Variants in NCALD observed in about 807,000 individuals in gnomAD.
The protein encoded by NCALD is neurocalcin delta.
Under a neutral mutation model 18.6 loss-of-function variants are expected in NCALD, and 10 were observed. The observed-to-expected ratio is 0.54, with a 90% CI of 0.33 to 0.91. The LOEUF (loss-of-function observed/expected upper bound fraction) is 0.91, where lower values mean the gene tolerates loss of function less well. Ranked by LOEUF, NCALD falls within the 40% of genes least tolerant of loss-of-function variation. NCALD has a pLI of 0.03. For missense variants in NCALD, 184 were observed against 247.6 expected (o/e 0.74, Z 1.72); for synonymous variants, 88 against 87.4 (o/e 1.01, Z -0.04).
rs1342050913 is a variant in NCALD at position 101,775,102 on chromosome 8, G to C, written c.-20+15760C>G. ...GGACTGAGAACTTCCTACTGGCATC[G>C]GATCTCTTTGTCACCAATGGCATAA... On this transcript the variant is annotated intron_variant, in intron 1 of 3. Coordinates refer to ENST00000220931, the MANE Select transcript of NCALD (RefSeq NM_032041.3). Among the ~76,000 whole-genome samples, 3 of 152,122 alleles carry C rather than the reference G, an allele frequency of 2.0e-5. No homozygotes were observed. The East Asian group carries it at 5.8e-4, about 29-fold the overall frequency.
intron 3 of NCALD, among the ~76,000 whole-genome samples, chr8:101,897,119 A>C (rs1385177642): frequency 1.5e-5 from 1 of 64,622 alleles, no homozygotes; most frequent in African/African-American, 8.4e-5. Flanking sequence ...ACCAACCCAA[A>C]TGTCCAACAA....
chr8:102,124,133 G>C (rs1826034723), intron 1 of NCALD: 2 of 152,234 alleles, frequency 1.3e-5, no homozygotes, highest in South Asian at 2.1e-4. Flanking sequence ...GGCGCACCGA[G>C]CGCACGGGTC....
intron 1 of NCALD, among the ~76,000 whole-genome samples, chr8:101,749,643 G>A (rs1338031923): frequency 6.6e-6 from 1 of 152,104 alleles, no homozygotes; most frequent in East Asian, 1.9e-4. Context: ...CCTTAGCTTG[G>A]TGTCTATGCA....
chr8:101,865,199 T>C (rs1815719579), intron 4 of NCALD, among the ~76,000 whole-genome samples: 1 of 152,208 alleles, frequency 6.6e-6, no homozygotes, highest in Non-Finnish European at 1.5e-5. Context: ...AATTTCATTG[T>C]AGCCAAAGAC....
chr8:101,897,902 G>T (rs140033744), intron 3 of NCALD, among the ~76,000 whole-genome samples: 37 of 152,320 alleles, frequency 2.4e-4, no homozygotes, highest in Admixed American at 2.4e-3. Flanking sequence ...TTGTAGGAGG[G>T]ACCAGGTGGA....
chr8:101,963,228 G>A (rs7820497), intron 2 of NCALD, among the ~76,000 whole-genome samples: 93,972 of 152,012 alleles, frequency 0.62, 30,309 homozygotes, highest in African/African-American at 0.81. Context: ...AAATGAAATG[G>A]CACCAAGTTA....
chr8:101,744,833 G>A lies in NCALD; in HGVS notation c.-19-25185C>T, dbSNP rs144713256. On this transcript the variant is annotated intron_variant, in intron 1 of 3. Transcript: ENST00000220931. ...AGAATGCTGAAGGCTCCAGGAAGCCGGGTACTCCTGCTGCCTGGAAAGCCA... is the reference window on the plus strand; with the variant it reads ...AGAATGCTGAAGGCTCCAGGAAGCCAGGTACTCCTGCTGCCTGGAAAGCCA... Among the ~76,000 whole-genome samples, 207 of 152,072 alleles carry A rather than the reference G, an allele frequency of 1.4e-3. 1 individual carries two copies. The highest frequency in any genetic ancestry group is 3.4e-3 in the Middle Eastern group (1 of 294).
intron 1 of NCALD, among the ~76,000 whole-genome samples, chr8:102,030,325 C>T (rs1275383810): frequency 5.9e-5 from 9 of 152,108 alleles, no homozygotes; most frequent in Admixed American, 5.9e-4. Flanking sequence ...AAAGAACATC[C>T]AAGAATAACA....
chr8:101,846,260 T>C (rs1814864772), intron 4 of NCALD, among the ~76,000 whole-genome samples: 1 of 152,230 alleles, frequency 6.6e-6, no homozygotes, highest in African/African-American at 2.4e-5. Context: ...CTTTTTTCCG[T>C]AATGGGTATG....
intron 4 of NCALD, among the ~76,000 whole-genome samples, chr8:101,825,053 C>A (rs1021836777): frequency 3.3e-5 from 5 of 152,194 alleles, no homozygotes; most frequent in African/African-American, 1.2e-4. Context: ...TAGATACCCC[C>A]ACAACTGACC....
intron 4 of NCALD, among the ~76,000 whole-genome samples, chr8:101,843,582 G>GTTTTTGTTTT (rs1554644300): frequency 8.0e-6 from 1 of 125,140 alleles, no homozygotes; most frequent in Non-Finnish European, 1.6e-5. Context: ...TTTAAAAATT[G>GTTTTTGTTTT]TTTTTTTTTT....
At chr8:101,726,804 G>A (rs976734650) in intron 1 of NCALD, among the ~76,000 whole-genome samples, 2 of 152,092 alleles carry the variant, frequency 1.3e-5, no homozygotes, top group African/African-American at 4.8e-5. Context: ...AGTGCACCAG[G>A]GACGTGAATG....
chr8:101,877,253 A>T (rs558138087), intron 4 of NCALD, among the ~76,000 whole-genome samples: 1 of 152,356 alleles, frequency 6.6e-6, no homozygotes, highest in Admixed American at 6.5e-5. Flanking sequence ...ACATTGCAGC[A>T]GTCCCAGATT....
At chr8:102,059,227 A>G (rs1823758762) in intron 1 of NCALD, among the ~76,000 whole-genome samples, 1 of 152,194 alleles carries the variant, frequency 6.6e-6, no homozygotes, top group Non-Finnish European at 1.5e-5. Context: ...CTCAGATATC[A>G]TCTTCTCCAT....
At chr8:102,040,696 C>CTTTTGTT (rs11282587) in intron 1 of NCALD, among the ~76,000 whole-genome samples, 1,537 of 76,358 alleles carry the variant, frequency 0.02, 32 homozygotes, top group African/African-American at 0.079. Context: ...TGGTTGCTTC[C>CTTTTGTT]CAACAGGATT....
chr8:101,987,389 A>T (rs1820853024), intron 2 of NCALD, among the ~76,000 whole-genome samples: 1 of 152,236 alleles, frequency 6.6e-6, no homozygotes, highest in Admixed American at 6.5e-5. Context: ...CCTCTGACTG[A>T]GAAAGGTGTG....
At chr8:102,011,511 C>A (rs1821902512) in intron 2 of NCALD, among the ~76,000 whole-genome samples, 1 of 152,162 alleles carries the variant, frequency 6.6e-6, no homozygotes, top group Non-Finnish European at 1.5e-5. Flanking sequence ...AAGGGTACCC[C>A]TGAAGGCTCA....
chr8:101,707,520 T>C (rs1187187358), intron 2 of NCALD, among the ~76,000 whole-genome samples: 1 of 152,222 alleles, frequency 6.6e-6, no homozygotes, highest in African/African-American at 2.4e-5. Context: ...TTTCCCATAC[T>C]GCTAAAAGTA....
intron 2 of NCALD, chr8:101,694,380 G>A (rs1386739578): frequency 6.6e-6 from 1 of 152,164 alleles, no homozygotes; most frequent in African/African-American, 2.4e-5. Context: ...CCTGCCAGAA[G>A]TTCCTAACAT....
Sources: allele counts gnomAD v4.1 joint callset (sites outside exome capture counted in the v4.1 genomes callset), GRCh38; gene constraint gnomAD v4.1.1; transcripts MANE v1.5; gene names NCBI Gene and HGNC (gene_info 2026-07-23, HGNC 2026-07-21).